Variants in COX7A2L observed in about 807,000 individuals in gnomAD.
COX7A2L encodes cytochrome c oxidase subunit 7A2-like, mitochondrial.
In COX7A2L, 18 loss-of-function variants were observed where a neutral mutation model predicts 14.2. The ratio of observed to expected loss-of-function variants is 1.27; its 90% CI spans 0.88 to 1.88. The LOEUF is 1.88. Ranked by LOEUF, COX7A2L falls within the 40% of genes most tolerant of loss-of-function variation. The probability of loss-of-function intolerance (pLI) is 0.00; values close to 1 mark genes in which losing one functional copy is unlikely to be tolerated. For synonymous variants in COX7A2L, 65 were observed against 57.4 expected (o/e 1.13, Z -0.60); for missense variants, 179 against 138.8 (o/e 1.29, Z -1.46).
At chr2:42,354,304 T>C (rs1670747941) in intron 1 of COX7A2L, among the ~76,000 whole-genome samples, 1 of 152,174 alleles carries the variant, frequency 6.6e-6, no homozygotes, top group Non-Finnish European at 1.5e-5. Flanking sequence ...GGTTTTTTTA[T>C]CTGAAAGGAA....
upstream of COX7A2L, chr2:42,361,408 C>CACA (rs2103915001): frequency 2.2e-6 from 1 of 459,248 alleles, no homozygotes; most frequent in South Asian, 3.0e-5. Flanking sequence ...GTGGCGGAGT[C>CACA]TGTAGGAAAT....
intron 1 of COX7A2L, among the ~76,000 whole-genome samples, chr2:42,367,710 C>G (rs748755622): frequency 2.4e-4 from 36 of 152,256 alleles, no homozygotes; most frequent in Non-Finnish European, 4.3e-4. Context: ...GATTGGCACT[C>G]TGAGCCAGGG....
chr2:42,336,306 TGACA>T (rs1313181336), intron 2 of COX7A2L, among the ~76,000 whole-genome samples: 1 of 152,204 alleles, frequency 6.6e-6, no homozygotes, highest in Non-Finnish European at 1.5e-5. Flanking sequence ...GCCATCCATT[TGACA>T]GACAGATGAA....
chr2:42,335,579 TAACTC>T (rs1285400664), intron 2 of COX7A2L, among the ~76,000 whole-genome samples: 1 of 152,322 alleles, frequency 6.6e-6, no homozygotes, highest in East Asian at 1.9e-4. Flanking sequence ...TAACATGTAT[TAACTC>T]AATCTTTTCA....
chr2:42,342,842 A>T lies in COX7A2L; in HGVS notation c.193-8973T>A, dbSNP rs1670426920. Reference sequence around the variant, plus strand: ...AGACTTCCCCTGGGAAGTCAGCTCCAGCAGTCTTGGGACCCTGGGCAAGCA... The same window carrying T: ...AGACTTCCCCTGGGAAGTCAGCTCCTGCAGTCTTGGGACCCTGGGCAAGCA... On this transcript the variant is annotated intron_variant, in intron 2 of 2. Coordinates refer to the COX7A2L transcript ENST00000468711. The surrounding 1 kb of genome is among the most constrained non-coding windows in gnomAD (Gnocchi z 4.9). 6.6e-6 allele frequency among the ~76,000 whole-genome samples: 1 copy of T among 152,158 alleles called. No individual in the cohort carries two copies. Among genetic ancestry groups the T allele is most frequent in the South Asian group, 2.1e-4 (1 of 4,832 alleles).
In COX7A2L at chr2:42,338,600, T is replaced by C. The variant is rs891505531; in HGVS notation, c.193-4731A>G. On this transcript the variant is annotated intron_variant, in intron 2 of 2. Transcript: ENST00000468711. The surrounding 1 kb of genome is among the most constrained non-coding windows in gnomAD (Gnocchi z 4.4). ...AATTATGAACCAAGAATCCCCCCGA[T>C]AGGACTCAGCCCCCACCAAGACCGT... 6.6e-6 allele frequency among the ~76,000 whole-genome samples: 1 copy of C among 152,018 alleles called. No individual in the cohort carries two copies. The highest frequency in any genetic ancestry group is 1.5e-5 in the Non-Finnish European group (1 of 68,008).
downstream of COX7A2L, among the ~76,000 whole-genome samples, chr2:42,348,743 C>A (rs1278882300): frequency 6.6e-6 from 1 of 152,064 alleles, no homozygotes; most frequent in Middle Eastern, 3.4e-3. Flanking sequence ...ATGGTGAAAC[C>A]CCATCTCTAC....
At chr2:42,359,830 C>A (rs1441426163) in intron 1 of COX7A2L, 5 of 149,790 alleles carry the variant, frequency 3.3e-5, no homozygotes, top group African/African-American at 1.2e-4. Flanking sequence ...CCCACCGCAA[C>A]TCCCCCACTA....
intron 1 of COX7A2L, among the ~76,000 whole-genome samples, chr2:42,367,640 G>C (rs1339587597): frequency 6.6e-6 from 1 of 152,262 alleles, no homozygotes; most frequent in Admixed American, 6.5e-5. Flanking sequence ...ACTGGCCCTG[G>C]CCCTGGAACT....
chr2:42,352,540 G>C (rs1321264577), intron 2 of COX7A2L, among the ~76,000 whole-genome samples: 4 of 152,130 alleles, frequency 2.6e-5, no homozygotes, highest in Non-Finnish European at 4.4e-5. Context: ...CAGATAAAAA[G>C]AGATTAAACT....
At chr2:42,358,315 T>C (rs1670896480) in intron 1 of COX7A2L, among the ~76,000 whole-genome samples, 1 of 152,206 alleles carries the variant, frequency 6.6e-6, no homozygotes, top group African/African-American at 2.4e-5. Context: ...GGAAGATGCC[T>C]TTCAACCAAT....
In COX7A2L at chr2:42,351,194, A is replaced by C; in HGVS notation, c.*25T>G. ...AACTTCAAAGGGTTTATGCCAAAAA[A>C]CAAACCAGTCCTCTGCAGCCTAACT... On this transcript the variant is annotated 3_prime_UTR_variant, in exon 3 of 3. Coordinates refer to ENST00000234301, the MANE Select transcript of COX7A2L (RefSeq NM_004718.4). 6.3e-7 allele frequency: 1 copy of C among 1,594,734 alleles called. No individual in the cohort carries two copies. Among genetic ancestry groups the C allele is most frequent in the African/African-American group, 1.3e-5 (1 of 74,258 alleles).
chr2:42,351,258 C>G lies in COX7A2L; in HGVS notation c.306G>C (p.Leu102=). The G allele has an allele frequency of 2.5e-6, 4 of 1,614,142 alleles. No homozygotes were observed. The highest frequency in any genetic ancestry group is 2.2e-5 in the East Asian group (1 of 44,882). Residue 102 remains leucine (L), a synonymous_variant, in exon 3 of 3, where the codon CTG becomes CTC. Transcript: ENST00000234301. Reference sequence around the variant, plus strand: ...GCTGCGAAGCCATGTAGAGGGCGATCAGGCAGTAGATGGTCCCTCCCACAG... The same window carrying G: ...GCTGCGAAGCCATGTAGAGGGCGATGAGGCAGTAGATGGTCCCTCCCACAG... ...ALTVGGTIYC[L]IALYMASQPK...
upstream of COX7A2L, among the ~76,000 whole-genome samples, chr2:42,362,210 G>C (rs536396760): frequency 4.4e-4 from 67 of 152,284 alleles, no homozygotes; most frequent in African/African-American, 1.4e-3. Context: ...ATTCGCTTCA[G>C]TTCAATTTAA....
intron 2 of COX7A2L, among the ~76,000 whole-genome samples, chr2:42,341,290 C>G (rs1670399701): frequency 6.6e-6 from 1 of 152,144 alleles, no homozygotes; most frequent in Non-Finnish European, 1.5e-5. Flanking sequence ...CAAGGCCACC[C>G]ACACCTAAGG....
At chr2:42,343,769 C>T (rs1046189154) in intron 2 of COX7A2L, among the ~76,000 whole-genome samples, 12 of 152,156 alleles carry the variant, frequency 7.9e-5, no homozygotes, top group Non-Finnish European at 1.3e-4. Context: ...AGAAGGAAGA[C>T]GTGGGGATGA....
intron 2 of COX7A2L, among the ~76,000 whole-genome samples, chr2:42,343,896 T>C (rs975374821): frequency 2.0e-5 from 3 of 152,142 alleles, no homozygotes; most frequent in African/African-American, 7.2e-5. Context: ...CACACCAACC[T>C]TCACCTTACC....
At chr2:42,341,120 C>T (rs1246876674) in intron 2 of COX7A2L, among the ~76,000 whole-genome samples, 2 of 152,136 alleles carry the variant, frequency 1.3e-5, no homozygotes, top group South Asian at 2.1e-4. Flanking sequence ...TGGATGACAA[C>T]TTATGGGTGA....
At chr2:42,336,531 TG>T (rs1670277564) in intron 2 of COX7A2L, among the ~76,000 whole-genome samples, 1 of 152,164 alleles carries the variant, frequency 6.6e-6, no homozygotes, top group South Asian at 2.1e-4. Flanking sequence ...ATCTCATGCT[TG>T]ACTGATCACA....
Sources: allele counts gnomAD v4.1 joint callset (sites outside exome capture counted in the v4.1 genomes callset), GRCh38; gene constraint gnomAD v4.1.1; non-coding constraint Gnocchi (gnomAD v3.1); transcripts MANE v1.5; gene names NCBI Gene and HGNC (gene_info 2026-07-23, HGNC 2026-07-21).